Variants in NRXN1 observed in about 807,000 individuals in gnomAD.
NRXN1 encodes neurexin 1.
A neutral mutation model predicts 150.9 loss-of-function variants in NRXN1; 39 were observed. The ratio of observed to expected loss-of-function variants is 0.26; its 90% CI spans 0.20 to 0.34. The LOEUF (loss-of-function observed/expected upper bound fraction) is 0.34, where lower values mean the gene tolerates loss of function less well. Among genes scored for constraint, NRXN1 ranks in the 10% least tolerant of loss-of-function variants. NRXN1 has a pLI of 1.00. For synonymous variants in NRXN1, 924 were observed against 757.0 expected (o/e 1.22, Z -3.62); for missense variants, 1,815 against 1,949.9 (o/e 0.93, Z 1.30).
At chr2:50,871,433 A>C (rs1047754637) in intron 5 of NRXN1, among the ~76,000 whole-genome samples, 4 of 151,874 alleles carry the variant, frequency 2.6e-5, no homozygotes, top group African/African-American at 9.7e-5. Flanking sequence ...TGGGCTTATA[A>C]GGTGAACAAA....
chr2:50,787,250 T>G (rs555905892), intron 5 of NRXN1, among the ~76,000 whole-genome samples: 2 of 152,136 alleles, frequency 1.3e-5, no homozygotes, highest in East Asian at 3.9e-4. Context: ...GATGGGTCTC[T>G]GGCAAAACAA....
rs1668028583 is a variant in NRXN1, at chr2:50,810,244, C to T, written c.832+111625G>A. ...GTGTTGCTTTGATTGTTACTCTCAG[C>T]CACGAACTACCATTGGATCATTTAA... On this transcript the variant is annotated intron_variant, in intron 5 of 22. Transcript: ENST00000401669. Among the ~76,000 whole-genome samples the T allele has an allele frequency of 2.0e-5, 3 of 152,144 alleles. 1 individual carries two copies. The highest frequency in any genetic ancestry group is 7.2e-5 in the African/African-American group (3 of 41,434).
intron 5 of NRXN1, among the ~76,000 whole-genome samples, chr2:50,891,767 G>C (rs965155191): frequency 2.0e-5 from 3 of 152,048 alleles, no homozygotes; most frequent in African/African-American, 4.8e-5. Flanking sequence ...GCCTGGATCA[G>C]GGTAAACTCT....
chr2:50,547,227 G>A (rs1268806297), intron 9 of NRXN1, among the ~76,000 whole-genome samples: 1 of 152,012 alleles, frequency 6.6e-6, no homozygotes, highest in Non-Finnish European at 1.5e-5. Flanking sequence ...GCTGTACCCT[G>A]CTGTATACAA....
intron 17 of NRXN1, among the ~76,000 whole-genome samples, chr2:50,329,578 AGTGTGTGT>A (rs55865684): frequency 0.056 from 1,897 of 33,964 alleles, 221 homozygotes; most frequent in African/African-American, 0.16. Context: ...ATATAACAGT[AGTGTGTGT>A]GTGTGTGTGT....
chr2:50,186,821 A>G (rs1225191904), intron 18 of NRXN1, among the ~76,000 whole-genome samples: 1 of 152,088 alleles, frequency 6.6e-6, no homozygotes, highest in Admixed American at 6.6e-5. Flanking sequence ...TTGACTATTA[A>G]GATACACAAT....
At chr2:50,333,669 T>C (rs999322659) in intron 17 of NRXN1, among the ~76,000 whole-genome samples, 1 of 151,806 alleles carries the variant, frequency 6.6e-6, no homozygotes, top group African/African-American at 2.4e-5. Flanking sequence ...GCATGTTAAG[T>C]GTGAAAGACA....
At chr2:50,295,904 T>C (rs1006084307) in intron 17 of NRXN1, among the ~76,000 whole-genome samples, 1 of 152,250 alleles carries the variant, frequency 6.6e-6, no homozygotes, top group Non-Finnish European at 1.5e-5. Flanking sequence ...CTGTAAAAGC[T>C]TCACCAGTTT....
intron 5 of NRXN1, among the ~76,000 whole-genome samples, chr2:50,695,153 C>T (rs1692632875): frequency 6.9e-6 from 1 of 145,498 alleles, no homozygotes; most frequent in East Asian, 2.2e-4. Flanking sequence ...TATTTACCAA[C>T]ATATTTTATC....
intron 5 of NRXN1, among the ~76,000 whole-genome samples, chr2:50,738,337 C>T (rs777316864): frequency 1.3e-5 from 2 of 152,168 alleles, no homozygotes; most frequent in Non-Finnish European, 2.9e-5. Flanking sequence ...CTGGAAGTAG[C>T]AGTTGTGTAT....
intron 2 of NRXN1, among the ~76,000 whole-genome samples, chr2:50,945,899 T>TATATATATACAC (rs371095334): frequency 1.9e-5 from 2 of 103,030 alleles, no homozygotes; most frequent in African/African-American, 7.7e-5. Context: ...TATATATATA[T>TATATATATACAC]ACACACACAC....
intron 17 of NRXN1, among the ~76,000 whole-genome samples, chr2:50,303,494 C>T (rs564647620): frequency 6.6e-6 from 1 of 152,144 alleles, no homozygotes; most frequent in Non-Finnish European, 1.5e-5. Flanking sequence ...AAGTCATTAT[C>T]ATGCATTACT....
At chr2:50,426,373 C>G (rs2084491599) in intron 17 of NRXN1, among the ~76,000 whole-genome samples, 1 of 152,156 alleles carries the variant, frequency 6.6e-6, no homozygotes, top group African/African-American at 2.4e-5. Context: ...CCTAGTATAC[C>G]TCCTCAGAGG....
Position 50,476,813 on chromosome 2 carries a change from C to T in NRXN1, c.3071-4342G>A, listed in dbSNP as rs72878376. Among the ~76,000 whole-genome samples, 857 of 152,150 alleles carry T rather than the reference C, an allele frequency of 5.6e-3. 6 individuals carry two copies. The highest frequency in any genetic ancestry group is 0.019 in the African/African-American group (796 of 41,512). Reference sequence around the variant, plus strand: ...AGCTCCTTTGACTTAATTTGAAATTCGGTGGCATTGAATCTGGTAATATAA... The same window carrying T: ...AGCTCCTTTGACTTAATTTGAAATTTGGTGGCATTGAATCTGGTAATATAA... On this transcript the variant is annotated intron_variant, in intron 15 of 22. Transcript: ENST00000401669.
chr2:50,512,092 C>T (rs1258998309), intron 12 of NRXN1, among the ~76,000 whole-genome samples: 1 of 151,862 alleles, frequency 6.6e-6, no homozygotes, highest in African/African-American at 2.4e-5. Flanking sequence ...AAAAAAAAAA[C>T]TTTCCTACAG....
chr2:50,598,856 C>G (rs1222997860), intron 8 of NRXN1, among the ~76,000 whole-genome samples: 1 of 151,716 alleles, frequency 6.6e-6, no homozygotes, highest in Non-Finnish European at 1.5e-5. Flanking sequence ...CTCCCAGGTT[C>G]AAGTGATTCT....
chr2:50,840,190 G>A (rs1672671792), intron 5 of NRXN1, among the ~76,000 whole-genome samples: 1 of 152,048 alleles, frequency 6.6e-6, no homozygotes, highest in East Asian at 1.9e-4. Context: ...TTTGTTAAAT[G>A]AATGAGTTTT....
At chr2:50,202,786 G>A (rs1256610847) in intron 18 of NRXN1, among the ~76,000 whole-genome samples, 1 of 152,152 alleles carries the variant, frequency 6.6e-6, no homozygotes, top group Non-Finnish European at 1.5e-5. Flanking sequence ...ATCATTGGTA[G>A]CAAGTGAGAG....
At chr2:50,259,882 C>T (rs1028829311) in intron 17 of NRXN1, among the ~76,000 whole-genome samples, 6 of 151,824 alleles carry the variant, frequency 4.0e-5, no homozygotes, top group African/African-American at 1.4e-4. Context: ...TTCCTCTACT[C>T]ATCAAGGTGG....
Sources: allele counts gnomAD v4.1 joint callset (sites outside exome capture counted in the v4.1 genomes callset), GRCh38; gene constraint gnomAD v4.1.1; transcripts MANE v1.5; gene names NCBI Gene and HGNC (gene_info 2026-07-23, HGNC 2026-07-21).